Variants in PEX14 observed in about 807,000 individuals in gnomAD.
The protein encoded by PEX14 is peroxisomal membrane protein PEX14.
Under a neutral mutation model 49.5 loss-of-function variants are expected in PEX14, and 15 were observed. The observed-to-expected ratio is 0.30, with a 90% CI of 0.20 to 0.47. The LOEUF is 0.47. Among genes scored for constraint, PEX14 ranks in the 20% least tolerant of loss-of-function variants. The pLI is 1.00. For missense variants in PEX14, 398 were observed against 494.8 expected, an observed-to-expected ratio of 0.80 and a Z score of 1.86; for synonymous variants, 210 against 212.7, an observed-to-expected ratio of 0.99 and a Z score of 0.11.
At chr1:10,556,497 G>A (rs1337489621) in intron 3 of PEX14, among the ~76,000 whole-genome samples, 1 of 152,180 alleles carries the variant, frequency 6.6e-6, no homozygotes, top group Non-Finnish European at 1.5e-5. Flanking sequence ...TGGCGACAGT[G>A]TGATAATCGT....
intron 3 of PEX14, among the ~76,000 whole-genome samples, chr1:10,546,744 C>T (rs1318116605): frequency 6.7e-6 from 1 of 150,364 alleles, no homozygotes; most frequent in Admixed American, 6.7e-5. Context: ...TGGTGGGCAC[C>T]TATAGTCCCC....
At chr1:10,621,640 C>T (rs532984519) in intron 5 of PEX14, among the ~76,000 whole-genome samples, 30 of 152,220 alleles carry the variant, frequency 2.0e-4, no homozygotes, top group East Asian at 5.8e-4. Context: ...CCACCGCGCC[C>T]GGCCAAGAAT....
At chr1:10,622,203 C>T (rs1318159514) in intron 5 of PEX14, among the ~76,000 whole-genome samples, 1 of 152,224 alleles carries the variant, frequency 6.6e-6, no homozygotes, top group African/African-American at 2.4e-5. Flanking sequence ...CTGAACGGCT[C>T]CTTCGGGCAT....
At chr1:10,622,384 G>T (rs894794561) in intron 5 of PEX14, among the ~76,000 whole-genome samples, 1 of 152,198 alleles carries the variant, frequency 6.6e-6, no homozygotes, top group African/African-American at 2.4e-5. Context: ...TGAGGATTCA[G>T]GCTTCATTTA....
At chr1:10,483,073 T>C (rs1476981112) in intron 1 of PEX14, among the ~76,000 whole-genome samples, 1 of 152,236 alleles carries the variant, frequency 6.6e-6, no homozygotes, top group Non-Finnish European at 1.5e-5. Context: ...GAAGTTTGAT[T>C]GTTTGGTTAA....
At chr1:10,574,567 A>G (rs1012044908) in intron 3 of PEX14, among the ~76,000 whole-genome samples, 1 of 152,212 alleles carries the variant, frequency 6.6e-6, no homozygotes, top group African/African-American at 2.4e-5. Context: ...TAGAACTTGC[A>G]AATCACATTC....
chr1:10,536,021 AGC>A, intron 2 of PEX14, 190 bp from the exon 3 acceptor site: 1 of 594,864 alleles, frequency 1.7e-6, no homozygotes, highest in South Asian at 1.8e-5. Context: ...AGATACAGGA[AGC>A]CAGTGAAGAC....
At chr1:10,518,705 A>G (rs1033039103) in intron 2 of PEX14, among the ~76,000 whole-genome samples, 6 of 152,324 alleles carry the variant, frequency 3.9e-5, no homozygotes, top group Admixed American at 1.3e-4. Flanking sequence ...GGCCTGCTAT[A>G]TGTAATAAAT....
At chr1:10,560,042 A>AT (rs1639606841) in intron 3 of PEX14, among the ~76,000 whole-genome samples, 1 of 149,224 alleles carries the variant, frequency 6.7e-6, no homozygotes. Context: ...TTCTAATCTG[A>AT]TTTTTTTCTT....
At chr1:10,553,021 C>T (rs1639380026) in intron 3 of PEX14, among the ~76,000 whole-genome samples, 2 of 152,086 alleles carry the variant, frequency 1.3e-5, no homozygotes, top group South Asian at 4.1e-4. Flanking sequence ...TGTGTTACCT[C>T]AAGAGTGTGG....
At position 10,494,592 on chromosome 1, in the gene PEX14, C is replaced by T. The variant is rs1000296705; in HGVS notation, c.37-682C>T. On this transcript the variant is annotated intron_variant, in intron 1 of 8. Transcript: ENST00000356607. This position sits in a 1 kb window ranked among gnomAD's most constrained non-coding sequence, Gnocchi z 4.3. ...GTGGCCCCAAGGAAGAGGAAACGGG[C>T]TAGAGCCAGGGCCTCGGCCACAGTG... Among the ~76,000 whole-genome samples, 1 of 152,244 alleles carries T rather than the reference C, an allele frequency of 6.6e-6. No homozygotes were observed. The highest frequency in any genetic ancestry group is 1.5e-5 in the Non-Finnish European group (1 of 68,050).
At chr1:10,478,408 C>G (rs1641231442) in intron 1 of PEX14, among the ~76,000 whole-genome samples, 1 of 152,174 alleles carries the variant, frequency 6.6e-6, no homozygotes, top group Non-Finnish European at 1.5e-5. Context: ...CTTAAAATTT[C>G]AAGGAATGCC....
At chr1:10,479,636 A>G (rs573022293) in intron 1 of PEX14, among the ~76,000 whole-genome samples, 22 of 152,294 alleles carry the variant, frequency 1.4e-4, no homozygotes, top group Admixed American at 1.2e-3. Flanking sequence ...TAGATTTCCT[A>G]TCTGTGGAGG....
At position 10,597,006 on chromosome 1, in the gene PEX14, C is replaced by T. The variant is rs747836873; in HGVS notation, c.170-2232C>T. Among the ~76,000 whole-genome samples, 68 of 152,274 alleles carry T rather than the reference C, an allele frequency of 4.5e-4. No individual in the cohort carries two copies. Among genetic ancestry groups the T allele is most frequent in the Non-Finnish European group, 2.2e-4 (15 of 68,052 alleles). On this transcript the variant is annotated intron_variant, in intron 3 of 8. Transcript: ENST00000356607. The surrounding 1 kb of genome is among the most constrained non-coding windows in gnomAD (Gnocchi z 5.7). The stretch of plus-strand genomic sequence containing the variant: ...ATTAGGAAAATAGGCTTCATAAAAG[C>T]TCAGGGCCAGAGGGCAGAACTGCGG...
Position 10,477,313 on chromosome 1 carries a change from G to A in PEX14, c.36+2311G>A, listed in dbSNP as rs140398326. Among the ~76,000 whole-genome samples, 252 of 152,076 alleles carry A rather than the reference G, an allele frequency of 1.7e-3. 1 individual carries two copies. Among genetic ancestry groups the A allele is most frequent in the African/African-American group, 5.8e-3 (240 of 41,500 alleles). The stretch of plus-strand genomic sequence containing the variant: ...TCTTGATCTCCTGACCTCATGATCC[G>A]CCCACCTCAGCCTCCCAAAGTGCTG... On this transcript the variant is annotated intron_variant, in intron 1 of 8. Transcript: ENST00000356607.
intron 3 of PEX14, among the ~76,000 whole-genome samples, chr1:10,570,410 G>A (rs1639936936): frequency 1.3e-5 from 2 of 152,124 alleles, no homozygotes; most frequent in African/African-American, 4.8e-5. Flanking sequence ...TTGGCTCACT[G>A]CAATCTCCAC....
At chr1:10,590,955 TG>T (rs2124587620) in intron 3 of PEX14, among the ~76,000 whole-genome samples, 1 of 152,346 alleles carries the variant, frequency 6.6e-6, no homozygotes, top group East Asian at 1.9e-4. Flanking sequence ...AGCATTCAGC[TG>T]GGTGACTAAA....
intron 2 of PEX14, among the ~76,000 whole-genome samples, chr1:10,515,234 CT>C (rs796953319): frequency 4.5e-4 from 66 of 146,524 alleles, no homozygotes; most frequent in African/African-American, 5.0e-4. Context: ...AAAACTCTGA[CT>C]TTTTTTTTTT....
rs1641645553 is a variant in PEX14 at position 10,623,183 on chromosome 1, G to A, written c.487+62G>A. 2 of 1,023,552 alleles carry A rather than the reference G, an allele frequency of 2.0e-6. No individual in the cohort carries two copies. The allele number at this position is 1,023,552 out of a possible 1,614,324, so 63.4% of individuals were successfully genotyped here. On this transcript the variant is annotated intron_variant, in intron 6 of 8. Coordinates refer to ENST00000356607, the MANE Select transcript of PEX14 (RefSeq NM_004565.3). This position sits in a 1 kb window ranked among gnomAD's most constrained non-coding sequence, Gnocchi z 4.4. ...GCCTTCTCCAAGCAGCCCCTTCTCT[G>A]CCCCTCCCCTCTCCCTCTGTCTCCA...
Sources: allele counts gnomAD v4.1 joint callset (sites outside exome capture counted in the v4.1 genomes callset), GRCh38; gene constraint gnomAD v4.1.1; non-coding constraint Gnocchi (gnomAD v3.1); transcripts MANE v1.5; gene names NCBI Gene and HGNC (gene_info 2026-07-23, HGNC 2026-07-21).